Variants in COMT observed in about 807,000 individuals in gnomAD.
COMT encodes the protein catechol-O-methyltransferase.
In COMT, 13 loss-of-function variants were observed where a neutral mutation model predicts 18.9. The observed-to-expected ratio is 0.69, with a 90% CI of 0.45 to 1.09. The LOEUF is 1.09. Ranked by LOEUF, COMT falls within the 50% of genes least tolerant of loss-of-function variation. COMT has a pLI of 0.00. For missense variants in COMT, 329 were observed against 361.8 expected, an observed-to-expected ratio of 0.91 and a Z score of 0.73; for synonymous variants, 150 against 160.9, an observed-to-expected ratio of 0.93 and a Z score of 0.51.
chr22:19,961,674 T>A (rs1410775612), intron 2 of COMT: 2 of 152,366 alleles, frequency 1.3e-5, no homozygotes, highest in East Asian at 3.9e-4. Flanking sequence ...AGAAGAAGTT[T>A]CCTTGTGTCC....
chr22:19,968,523 G>C lies in COMT; in HGVS notation c.616-13G>C, dbSNP rs760438359. 2.1e-5 allele frequency: 34 copies of C among 1,612,000 alleles called. No homozygotes were observed. The highest frequency in any genetic ancestry group is 1.9e-4 in the African/African-American group (14 of 74,838). The stretch of plus-strand genomic sequence containing the variant: ...CTGACCCTCACCTCCCCCACCCCCC[G>C]GTCTGTTTGCAGGAATGTGGCCTGC... On this transcript the variant is annotated splice_polypyrimidine_tract_variant and intron_variant, in intron 5 of 5. Coordinates refer to ENST00000361682, the MANE Select transcript of COMT (RefSeq NM_000754.4).
intron 1 of COMT, among the ~76,000 whole-genome samples, chr22:19,952,496 C>T (rs542518988): frequency 4.6e-4 from 70 of 151,842 alleles, no homozygotes; most frequent in South Asian, 1.0e-3. Flanking sequence ...AAAAGTTAGC[C>T]GGGCGTGGTG....
chr22:19,962,389 T>G (rs2146164168), intron 2 of COMT, 138 bp from the exon 3 acceptor site: 2 of 1,453,802 alleles, frequency 1.4e-6, no homozygotes, highest in East Asian at 5.0e-5. Flanking sequence ...GTCAGGCAAC[T>G]GAGGCACAAG....
chr22:19,963,872 C>T, intron 4 of COMT, 113 bp downstream of exon 4: 1 of 1,357,090 alleles, frequency 7.4e-7, no homozygotes, highest in Non-Finnish European at 1.0e-6. Context: ...ACTGAAAACC[C>T]ACTATCACCA....
At chr22:19,956,137 C>CCTTTTTTTTTTTTTTTTT (rs1569129365) in intron 1 of COMT, among the ~76,000 whole-genome samples, 5 of 84,824 alleles carry the variant, frequency 5.9e-5, no homozygotes, top group Non-Finnish European at 1.0e-4. Flanking sequence ...TTCTTTTTTT[C>CCTTTTTTTTTTTTTTTTT]TTTTTTTTTT....
chr22:19,967,511 C>G, intron 5 of COMT: 1 of 401,872 alleles, frequency 2.5e-6, no homozygotes, highest in South Asian at 1.9e-5. Context: ...GGTGTCCATA[C>G]TGTCACATGA....
chr22:19,960,233 G>A (rs1185268924), intron 1 of COMT, among the ~76,000 whole-genome samples: 1 of 152,216 alleles, frequency 6.6e-6, no homozygotes, highest in African/African-American at 2.4e-5. Context: ...CTTTTAATTT[G>A]GGGTATATAT....
At chr22:19,959,337 T>A (rs768926472) in intron 1 of COMT, among the ~76,000 whole-genome samples, 1 of 152,258 alleles carries the variant, frequency 6.6e-6, no homozygotes, top group Non-Finnish European at 1.5e-5. Context: ...AACTGGGCAG[T>A]GGCCGGTGAC....
At chr22:19,966,716 C>T (rs755996311) in intron 5 of COMT, among the ~76,000 whole-genome samples, 6 of 152,060 alleles carry the variant, frequency 3.9e-5, no homozygotes, top group Non-Finnish European at 8.8e-5. Context: ...GCTGGGAGTA[C>T]AGGTGTGTGC....
chr22:19,964,586 C>T, intron 5 of COMT: 1 of 611,918 alleles, frequency 1.6e-6, no homozygotes, highest in Non-Finnish European at 2.9e-6. Flanking sequence ...GTGCACACCC[C>T]AGACCAGACA....
chr22:19,956,493 C>T (rs1285500118), intron 1 of COMT, among the ~76,000 whole-genome samples: 1 of 151,472 alleles, frequency 6.6e-6, no homozygotes, highest in African/African-American at 2.4e-5. Flanking sequence ...TCTCCTGCCT[C>T]AGCCTCCTGA....
intron 1 of COMT, among the ~76,000 whole-genome samples, chr22:19,943,672 TAAAAAG>T (rs1941786144): frequency 6.6e-6 from 1 of 150,984 alleles, no homozygotes; most frequent in African/African-American, 2.4e-5. Flanking sequence ...AATAAAAAAA[TAAAAAG>T]AAAGAAAGAA....
At chr22:19,954,010 G>T (rs1375361291) in intron 1 of COMT, among the ~76,000 whole-genome samples, 1 of 152,170 alleles carries the variant, frequency 6.6e-6, no homozygotes, top group Non-Finnish European at 1.5e-5. Context: ...GGAGTGGAGG[G>T]GCCCCACAGG....
At chr22:19,950,662 ATC>A (rs1941915904) in intron 1 of COMT, among the ~76,000 whole-genome samples, 1 of 152,028 alleles carries the variant, frequency 6.6e-6, no homozygotes, top group Admixed American at 6.6e-5. Context: ...TGCAGCGGGG[ATC>A]CACAGGTGGA....
chr22:19,968,132 G>A lies in COMT; in HGVS notation c.616-404G>A, dbSNP rs559196689. ...TGGTCAGGCCAATATTGTCTCCAGGGACCATACCAGCAACCCCTCTCCTTG... is the reference window on the plus strand; with the variant it reads ...TGGTCAGGCCAATATTGTCTCCAGGAACCATACCAGCAACCCCTCTCCTTG... On this transcript the variant is annotated intron_variant, in intron 5 of 5. Transcript: ENST00000361682. Among the ~76,000 whole-genome samples, 6 of 152,300 alleles carry A rather than the reference G, an allele frequency of 3.9e-5. No homozygotes were observed. The East Asian group carries it at 1.2e-3, about 29-fold the overall frequency.
At chr22:19,966,830 T>C in intron 5 of COMT, 1 of 613,452 alleles carries the variant, frequency 1.6e-6, no homozygotes. Flanking sequence ...CTGCAACCTC[T>C]GTGAGGCTCC....
chr22:19,965,915 T>A (rs143035823), intron 5 of COMT, among the ~76,000 whole-genome samples: 6 of 152,304 alleles, frequency 3.9e-5, no homozygotes, highest in Middle Eastern at 3.4e-3. Flanking sequence ...TGGGTATTGA[T>A]GGCAGAGAGC....
intron 3 of COMT, 131 bp downstream of exon 3, chr22:19,962,946 G>T (rs1265447102): frequency 2.5e-6 from 3 of 1,206,908 alleles, no homozygotes; most frequent in African/African-American, 1.5e-5. Flanking sequence ...CCCAGATAGG[G>T]CTGGGGGGCT....
intron 1 of COMT, among the ~76,000 whole-genome samples, chr22:19,948,985 A>G (rs1002717880): frequency 6.7e-5 from 10 of 149,694 alleles, no homozygotes; most frequent in African/African-American, 2.4e-4. Flanking sequence ...AAAAATTTAA[A>G]GAAACTTTAT....
Sources: gnomAD v4.1 joint callset for allele counts (sites outside exome capture counted in the v4.1 genomes callset) on GRCh38, gnomAD v4.1.1 for gene constraint, MANE v1.5 for transcripts, NCBI Gene and HGNC (gene_info 2026-07-23, HGNC 2026-07-21) for gene names.